Variants in HIF1AN observed in about 807,000 individuals in gnomAD.
The protein encoded by HIF1AN is hypoxia-inducible factor 1-alpha inhibitor.
In HIF1AN, 21 loss-of-function variants were observed where a neutral mutation model predicts 47.7. The ratio of observed to expected loss-of-function variants is 0.44; its 90% CI spans 0.31 to 0.63. HIF1AN has a LOEUF of 0.63. Among genes scored for constraint, HIF1AN ranks in the 30% least tolerant of loss-of-function variants. The pLI, the probability that HIF1AN is intolerant of heterozygous loss-of-function variation, is 0.07. For synonymous variants in HIF1AN, 152 were observed against 155.9 expected, an observed-to-expected ratio of 0.98 and a Z score of 0.18; for missense variants, 320 against 432.7, an observed-to-expected ratio of 0.74 and a Z score of 2.31.
Position 100,555,818 on chromosome 10 carries a change from C to T in HIF1AN, c.*7681C>T, listed in dbSNP as rs148320477. The T allele has an allele frequency of 6.6e-6, 1 of 152,374 alleles. No homozygotes were observed. The highest frequency in any genetic ancestry group is 1.9e-4 in the East Asian group (1 of 5,192). The allele number at this position is 152,374 out of a possible 1,614,324, so 9.4% of individuals were successfully genotyped here. ...TCAGAACTATCAGGAAAGCTGTGCTCCTTAACCCATCATCTAAGCTAAGCT... is the reference window on the plus strand; with the variant it reads ...TCAGAACTATCAGGAAAGCTGTGCTTCTTAACCCATCATCTAAGCTAAGCT... On this transcript the variant is annotated 3_prime_UTR_variant, in exon 8 of 8. Coordinates refer to ENST00000299163, the MANE Select transcript of HIF1AN (RefSeq NM_017902.3).
chr10:100,546,700 C>T (rs1843097355), intron 6 of HIF1AN, 119 bp downstream of exon 6: 1 of 774,298 alleles, frequency 1.3e-6, no homozygotes, highest in Non-Finnish European at 2.2e-6. Context: ...TGTCAGGTGT[C>T]TGGGGAGATG....
Position 100,555,539 on chromosome 10 carries a change from C to T in HIF1AN, c.*7402C>T, listed in dbSNP as rs1293543026. ...CTCTCCTCCTCACTATAAGCCAAGT[C>T]TCCCTGCAGTTCTCTATAAATACTC... On this transcript the variant is annotated 3_prime_UTR_variant, in exon 8 of 8. Transcript: ENST00000299163. 1 of 152,322 alleles carries T rather than the reference C, an allele frequency of 6.6e-6. No individual in the cohort carries two copies. 9.4% of individuals were successfully genotyped at this position (152,322 alleles called of 1,614,324 possible). A position where few individuals can be genotyped will look rare whatever the true frequency, so the allele number is the denominator to read the frequency against.
chr10:100,540,745 G>A lies in HIF1AN; in HGVS notation c.540G>A (p.Gly180=). The change falls in exon 3 of 8, where the codon GGG becomes GGA. Residue 180 remains glycine (G), a synonymous_variant. Coordinates refer to ENST00000299163, the MANE Select transcript of HIF1AN (RefSeq NM_017902.3). The part of the protein sequence containing the change: ...INKQQGKRGW[G]QLTSNLLLIG... ...AGCAACAGGGAAAGCGTGGCTGGGG[G>A]CAGCTTACCTCTAACCTGCTGCTCA... 1.2e-6 allele frequency: 2 copies of A among 1,613,328 alleles called. No homozygotes were observed. The highest frequency in any genetic ancestry group is 2.7e-5 in the African/African-American group (2 of 74,986).
chr10:100,536,323 T>A, intron 1 of HIF1AN, 88 bp from the exon 2 acceptor site: 1 of 1,483,504 alleles, frequency 6.7e-7, no homozygotes, highest in Non-Finnish European at 9.2e-7. Context: ...TATTCTGAAG[T>A]TGAGAAGTAG....
At chr10:100,547,500 G>A (rs1239977848) in intron 7 of HIF1AN, among the ~76,000 whole-genome samples, 2 of 152,242 alleles carry the variant, frequency 1.3e-5, no homozygotes, top group Non-Finnish European at 2.9e-5. Flanking sequence ...GACCCCCTGA[G>A]GGGATTCTTC....
At chr10:100,539,283 G>C (rs1236389208) in intron 2 of HIF1AN, among the ~76,000 whole-genome samples, 1 of 152,058 alleles carries the variant, frequency 6.6e-6, no homozygotes, top group African/African-American at 2.4e-5. Context: ...AGATGCTTCT[G>C]TCTTTTTTTT....
At position 100,556,252 on chromosome 10, in the gene HIF1AN, C is replaced by T. The variant is rs931379302; in HGVS notation, c.*8115C>T. The T allele has an allele frequency of 7.2e-5, 11 of 152,186 alleles. No homozygotes were observed. The highest frequency in any genetic ancestry group is 1.2e-4 in the African/African-American group (5 of 41,430). 9.4% of individuals were successfully genotyped at this position (152,186 alleles called of 1,614,324 possible). On this transcript the variant is annotated 3_prime_UTR_variant, in exon 8 of 8. Transcript: ENST00000299163. ...GCTTACAAGGATACTATCACCTATG[C>T]CATCAGTGGGGAATGACCTTCCAAA...
At chr10:100,537,456 T>G (rs1852238378) in intron 2 of HIF1AN, among the ~76,000 whole-genome samples, 1 of 152,212 alleles carries the variant, frequency 6.6e-6, no homozygotes, top group Non-Finnish European at 1.5e-5. Flanking sequence ...TAGTTCAACC[T>G]GAAAAGTTGT....
chr10:100,548,895 CTCTT>C lies in HIF1AN; in HGVS notation c.*761_*764del, dbSNP rs1197876606. 2 of 152,696 alleles carry C rather than the reference CTCTT, an allele frequency of 1.3e-5. No individual in the cohort carries two copies. The highest frequency in any genetic ancestry group is 1.9e-4 in the East Asian group (1 of 5,182). The allele number at this position is 152,696 out of a possible 1,614,324, so 9.5% of individuals were successfully genotyped here. A position where few individuals can be genotyped will look rare whatever the true frequency, so the allele number is the denominator to read the frequency against. ...TAAATTAGAGACACATATAGTTTCT[CTCTT>C]TCAGCACCAGCTCTTGCCCCTATGC... is the stretch of plus-strand genomic sequence containing the variant. On this transcript the variant is annotated 3_prime_UTR_variant, in exon 8 of 8. Transcript: ENST00000299163.
chr10:100,552,975 A>G lies in HIF1AN; in HGVS notation c.*4838A>G, dbSNP rs1843178376. ...ATGGATGAATGGAGCCTTGCTGAGC[A>G]CTTTGAGGGCATTTCTGTTGGGCAC... On this transcript the variant is annotated 3_prime_UTR_variant, in exon 8 of 8. Transcript: ENST00000299163. 6.6e-6 allele frequency: 1 copy of G among 151,922 alleles called. No individual in the cohort carries two copies. Among genetic ancestry groups the G allele is most frequent in the South Asian group, 2.1e-4 (1 of 4,806 alleles). 9.4% of individuals were successfully genotyped at this position (151,922 alleles called of 1,614,324 possible). A position where few individuals can be genotyped will look rare whatever the true frequency, so the allele number is the denominator to read the frequency against.
At chr10:100,544,368 G>C (rs1024606221) in intron 3 of HIF1AN, among the ~76,000 whole-genome samples, 47 of 152,290 alleles carry the variant, frequency 3.1e-4, no homozygotes, top group African/African-American at 1.1e-3. Context: ...CTTGAGCCCA[G>C]AAGTTGGAGA....
chr10:100,540,205 C>G (rs1156470426), intron 2 of HIF1AN, among the ~76,000 whole-genome samples: 1 of 150,104 alleles, frequency 6.7e-6, no homozygotes, highest in African/African-American at 2.5e-5. Flanking sequence ...CCCTCCTACT[C>G]TTTGGATTCT....
Position 100,540,727 on chromosome 10 carries a change from G to T in HIF1AN, c.522G>T (p.Gln174His). The T allele has an allele frequency of 6.2e-7, 1 of 1,613,788 alleles. No homozygotes were observed. The change falls in exon 3 of 8, where the codon CAG (glutamine) becomes CAT (histidine). Residue 174 changes from glutamine to histidine, a missense_variant. Physicochemically the swap from Gln to His is conservative, Grantham distance 24. This residue lies in a region of HIF1AN where 161 missense variants were observed against 272.8 expected (regional missense o/e 0.59). Coordinates refer to ENST00000299163, the MANE Select transcript of HIF1AN (RefSeq NM_017902.3). ...GFNWNWINKQ[Q>H]GKRGWGQLTS... The stretch of plus-strand genomic sequence containing the variant: ...ACTGGAACTGGATTAATAAGCAACA[G>T]GGAAAGCGTGGCTGGGGGCAGCTTA...
Position 100,549,061 on chromosome 10 carries a change from CGTGCGTGTGTGT to C in HIF1AN, c.*928_*939del, listed in dbSNP as rs1564664659. On this transcript the variant is annotated 3_prime_UTR_variant, in exon 8 of 8. Coordinates refer to ENST00000299163, the MANE Select transcript of HIF1AN (RefSeq NM_017902.3). ...GCCTCTGGGTGTGTGTGTGTGTGTGCGTGCGTGTGTGTGTGTGTGTCCGTGTGTGTGTGTGTG... is the reference window on the plus strand; with the variant it reads ...GCCTCTGGGTGTGTGTGTGTGTGTGCGTGTGTGTCCGTGTGTGTGTGTGTG... 1 of 136,416 alleles carries C rather than the reference CGTGCGTGTGTGT, an allele frequency of 7.3e-6. No individual in the cohort carries two copies. The highest frequency in any genetic ancestry group is 1.7e-5 in the Non-Finnish European group (1 of 60,242). 8.5% of individuals were successfully genotyped at this position (136,416 alleles called of 1,614,324 possible). A position where few individuals can be genotyped will look rare whatever the true frequency, so the allele number is the denominator to read the frequency against.
At position 100,536,032 on chromosome 10, in the gene HIF1AN, C is replaced by G. The variant is rs1852214426; in HGVS notation, c.74C>G (p.Pro25Arg). The G allele has an allele frequency of 6.2e-7, 1 of 1,603,354 alleles. No individual in the cohort carries two copies. The highest frequency in any genetic ancestry group is 2.3e-5 in the East Asian group (1 of 44,318). The change falls in exon 1 of 8, where the codon CCC (proline) becomes CGC (arginine). Residue 25 changes from proline to arginine, a missense_variant. Coordinates refer to ENST00000299163, the MANE Select transcript of HIF1AN (RefSeq NM_017902.3). ...EPREEAGALG[P>R]AWDESQLRSY... The stretch of plus-strand genomic sequence containing the variant: ...CGGGAGGAGGCTGGAGCCCTCGGCC[C>G]CGCCTGGGATGAATCCCAGTTGCGC...
Position 100,539,770 on chromosome 10 carries a change from A to T in HIF1AN, c.429-864A>T, listed in dbSNP as rs543172844. Reference sequence around the variant, plus strand: ...AATAAGCAAGCCTGGCTTCAAGGGGATGTGAAAGAAAACTCGCACACTGAG... The same window carrying T: ...AATAAGCAAGCCTGGCTTCAAGGGGTTGTGAAAGAAAACTCGCACACTGAG... On this transcript the variant is annotated intron_variant, in intron 2 of 7. Transcript: ENST00000299163. Among the ~76,000 whole-genome samples, 6 of 152,224 alleles carry T rather than the reference A, an allele frequency of 3.9e-5. No individual in the cohort carries two copies. The East Asian group carries it at 9.7e-4, about 25-fold the overall frequency.
At chr10:100,545,144 A>G (rs1438752260) in intron 4 of HIF1AN, 48 bp downstream of exon 4, 1 of 1,580,900 alleles carries the variant, frequency 6.3e-7, no homozygotes, top group Admixed American at 1.7e-5. Context: ...GATTCTAGTA[A>G]TGCCTAGGCT....
rs1852225328 is a variant in HIF1AN, at chr10:100,536,598, A to G, written c.365A>G (p.Glu122Gly). The change falls in exon 2 of 8, where the codon GAA (glutamate) becomes GGA (glycine). Residue 122 changes from glutamate to glycine, a missense_variant. Coordinates refer to ENST00000299163, the MANE Select transcript of HIF1AN (RefSeq NM_017902.3). ...TTTAAGCCGAGGTCCAACAGGGAAG[A>G]AATGAAATTTCATGAGTTCGTTGAG... is the stretch of plus-strand genomic sequence containing the variant. ...QNFKPRSNREEMKFHEFVEKL... is the reference protein window; with the variant it reads ...QNFKPRSNREGMKFHEFVEKL... The G allele has an allele frequency of 6.2e-7, 1 of 1,614,232 alleles. No homozygotes were observed. The highest frequency in any genetic ancestry group is 8.5e-7 in the Non-Finnish European group (1 of 1,180,034).
In HIF1AN at chr10:100,554,978, A is replaced by G. The variant is rs1475174845; in HGVS notation, c.*6841A>G. The G allele has an allele frequency of 6.6e-6, 1 of 152,180 alleles. No homozygotes were observed. The highest frequency in any genetic ancestry group is 2.4e-5 in the African/African-American group (1 of 41,410). 9.4% of individuals were successfully genotyped at this position (152,180 alleles called of 1,614,324 possible). ...TGGTGCTCTCAGATCAGTAGGGGAG[A>G]CAGGCAGGCAGTTAGAATTATGGTG... On this transcript the variant is annotated 3_prime_UTR_variant, in exon 8 of 8. Transcript: ENST00000299163.
Sources: allele counts gnomAD v4.1 joint callset (sites outside exome capture counted in the v4.1 genomes callset), GRCh38; gene constraint gnomAD v4.1.1; regional missense constraint gnomAD v4.1.1; transcripts MANE v1.5; gene names NCBI Gene and HGNC (gene_info 2026-07-23, HGNC 2026-07-21).